The following PCDHGA6 variants were observed in gnomAD, a reference collection of about 807,000 sequenced individuals.
The protein encoded by PCDHGA6 is protocadherin gamma-A6.
In PCDHGA6, 41 loss-of-function variants were observed where a neutral mutation model predicts 60.6. That is an observed-to-expected ratio of 0.68 (90% CI 0.53 to 0.88). The LOEUF (loss-of-function observed/expected upper bound fraction) is 0.88. Among genes scored for constraint, PCDHGA6 ranks in the 40% least tolerant of loss-of-function variants. The probability of loss-of-function intolerance (pLI) is 0.00; values close to 1 mark genes in which losing one functional copy is unlikely to be tolerated. For missense variants in PCDHGA6, 1,312 were observed against 1,203.0 expected (o/e 1.09, Z -1.34); for synonymous variants, 594 against 524.4 (o/e 1.13, Z -1.81).
rs185995562 is a variant in PCDHGA6 at position 141,410,475 on chromosome 5, A to T, written c.2424+33968A>T. 63 of 1,614,052 alleles carry T rather than the reference A, an allele frequency of 3.9e-5. No individual in the cohort carries two copies. The highest frequency in any genetic ancestry group is 3.3e-4 in the Middle Eastern group (2 of 6,062). ...TATTCTTATAATCTGTGCATTGCAC[A>T]TACGGGTACAAAAGAGTTTAATTTC... On this transcript the variant is annotated intron_variant, in intron 1 of 3. Transcript: ENST00000517434.
chr5:141,403,212 C>T (rs755734755), intron 1 of PCDHGA6: 8 of 1,613,834 alleles, frequency 5.0e-6, no homozygotes, highest in East Asian at 2.2e-5. Context: ...TTGGTCACCG[C>T]GGGTAGGATA....
At chr5:141,399,382 A>G in intron 1 of PCDHGA6, 1 of 1,614,000 alleles carries the variant, frequency 6.2e-7, no homozygotes, top group Non-Finnish European at 8.5e-7. Context: ...TGTCACCATC[A>G]CAGCCACAGA....
Position 141,491,498 on chromosome 5 carries a change from C to T in PCDHGA6, c.2425-3309C>T, listed in dbSNP as rs975297143. 2 of 1,614,102 alleles carry T rather than the reference C, an allele frequency of 1.2e-6. No homozygotes were observed. Among genetic ancestry groups the T allele is most frequent in the Non-Finnish European group, 1.7e-6 (2 of 1,180,018 alleles). ...TCCAGCCCCAACCTGCAGGTGAGCT[C>T]GGACGGCACGCTCAAGTACATGGAG... On this transcript the variant is annotated intron_variant, in intron 1 of 3. Transcript: ENST00000517434. The surrounding 1 kb of genome is among the most constrained non-coding windows in gnomAD (Gnocchi z 6.9).
Position 141,489,160 on chromosome 5 carries a change from C to A in PCDHGA6, c.2425-5647C>A. 1 of 1,029,962 alleles carries A rather than the reference C, an allele frequency of 9.7e-7. No individual in the cohort carries two copies. The highest frequency in any genetic ancestry group is 1.4e-6 in the Non-Finnish European group (1 of 701,366). 63.8% of individuals were successfully genotyped at this position (1,029,962 alleles called of 1,614,324 possible). ...GGCTGGAAGGAGACATAAGAGACTT[C>A]AGCTGCTGCATTCCAAGCCCTGGGT... On this transcript the variant is annotated intron_variant, in intron 1 of 3. Coordinates refer to ENST00000517434, the MANE Select transcript of PCDHGA6 (RefSeq NM_018919.3). The surrounding 1 kb of genome is among the most constrained non-coding windows in gnomAD (Gnocchi z 4.5).
Position 141,491,869 on chromosome 5 carries a change from G to A in PCDHGA6, c.2425-2938G>A. On this transcript the variant is annotated intron_variant, in intron 1 of 3. Transcript: ENST00000517434. The surrounding 1 kb of genome is among the most constrained non-coding windows in gnomAD (Gnocchi z 6.9). ...GGACCGTTTGCGCGAAACCAGAGTG[G>A]CCGATTAAGGGATGGGGCTCCGAGC... The A allele has an allele frequency of 6.9e-7, 1 of 1,453,094 alleles. No individual in the cohort carries two copies. Among genetic ancestry groups the A allele is most frequent in the Non-Finnish European group, 9.1e-7 (1 of 1,099,380 alleles). 90.0% of individuals were successfully genotyped at this position (1,453,094 alleles called of 1,614,324 possible).
chr5:141,398,858 G>C, intron 1 of PCDHGA6: 2 of 1,613,986 alleles, frequency 1.2e-6, no homozygotes, highest in Non-Finnish European at 1.7e-6. Flanking sequence ...GTATTCAACC[G>C]AGACGTGTAC....
At chr5:141,404,399 G>T (rs1269569845) in intron 1 of PCDHGA6, 2 of 1,613,778 alleles carry the variant, frequency 1.2e-6, no homozygotes, top group African/African-American at 1.3e-5. Context: ...TGATAGCAAT[G>T]AGAATTCTAG....
At position 141,375,584 on chromosome 5, in the gene PCDHGA6, C is replaced by T. The variant is rs555182663; in HGVS notation, c.1501C>T (p.Leu501=). ...LAEDTLQGAP[L]SSYVSINSDT... The stretch of plus-strand genomic sequence containing the variant: ...AGAAGACACCCTCCAGGGGGCGCCC[C>T]TGTCCTCCTACGTGTCCATCAACTC... Residue 501 remains leucine (L), a synonymous_variant, in exon 1 of 4, where the codon CTG becomes TTG. Coordinates refer to ENST00000517434, the MANE Select transcript of PCDHGA6 (RefSeq NM_018919.3). 2.3e-5 allele frequency: 37 copies of T among 1,614,178 alleles called. 2 individuals carry two copies. The South Asian group carries it at 3.8e-4, about 17-fold the overall frequency.
Position 141,374,163 on chromosome 5 carries a change from C to A in PCDHGA6, c.80C>A (p.Ala27Glu), listed in dbSNP as rs764323551. 6.2e-7 allele frequency: 1 copy of A among 1,612,604 alleles called. No homozygotes were observed. Among genetic ancestry groups the A allele is most frequent in the East Asian group, 2.2e-5 (1 of 44,874 alleles). Residue 27 changes from alanine to glutamate, a missense_variant, in exon 1 of 4, where the codon GCG (alanine) becomes GAG (glutamate). By Grantham distance (107) the Ala-to-Glu change is moderately radical. Coordinates refer to ENST00000517434, the MANE Select transcript of PCDHGA6 (RefSeq NM_018919.3). ...CTCCTGGGGACGCTGTGGGGGGCCGCGGCAGCGCAGATCCGCTACTCTATT... is the reference window on the plus strand; with the variant it reads ...CTCCTGGGGACGCTGTGGGGGGCCGAGGCAGCGCAGATCCGCTACTCTATT... The part of the protein sequence containing the change: ...LTLLGTLWGA[A>E]AAQIRYSIPE...
intron 1 of PCDHGA6, chr5:141,388,609 T>G: frequency 6.2e-7 from 1 of 1,613,926 alleles, no homozygotes; most frequent in Non-Finnish European, 8.5e-7. Context: ...GCTCCAGTGT[T>G]CAGTCAAGAC....
At chr5:141,413,417 T>C in intron 1 of PCDHGA6, 18 of 1,614,086 alleles carry the variant, frequency 1.1e-5, no homozygotes, top group Non-Finnish European at 1.5e-5. Context: ...CTTTTCTCTC[T>C]GAACCCGCGC....
At chr5:141,414,514 G>A in intron 1 of PCDHGA6, 1 of 1,613,964 alleles carries the variant, frequency 6.2e-7, no homozygotes, top group Non-Finnish European at 8.5e-7. Context: ...GCTACAAGTG[G>A]CAGATATCAA....
rs377138746 is a variant in PCDHGA6 at position 141,432,481 on chromosome 5, C to T, written c.2424+55974C>T. ...CCCTCCCCACGGACGGTTCCACTGG[C>T]GTGGAGCTGGCTCCCCGCTCCGCAG... On this transcript the variant is annotated intron_variant, in intron 1 of 3. Transcript: ENST00000517434. This position sits in a 1 kb window ranked among gnomAD's most constrained non-coding sequence, Gnocchi z 6.0. The T allele has an allele frequency of 1.1e-5, 17 of 1,614,198 alleles. No individual in the cohort carries two copies. The African/African-American group carries it at 1.7e-4, about 16-fold the overall frequency.
chr5:141,430,276 G>C (rs2097271928), intron 1 of PCDHGA6, among the ~76,000 whole-genome samples: 1 of 151,720 alleles, frequency 6.6e-6, no homozygotes, highest in South Asian at 2.1e-4. Context: ...TGTGTTGGGG[G>C]AACAGTAATC....
intron 1 of PCDHGA6, among the ~76,000 whole-genome samples, chr5:141,492,808 A>C (rs1261752522): frequency 6.6e-6 from 1 of 152,252 alleles, no homozygotes; most frequent in African/African-American, 2.4e-5. Flanking sequence ...CTGGGACTCC[A>C]GTGGCACCAG....
At chr5:141,433,404 TATTA>T (rs142533293) in intron 1 of PCDHGA6, among the ~76,000 whole-genome samples, 252 of 146,310 alleles carry the variant, frequency 1.7e-3, no homozygotes, top group African/African-American at 6.2e-3. Context: ...TCTATCTATC[TATTA>T]CTTTCTTGTA....
At chr5:141,393,747 T>C (rs1375394315) in intron 1 of PCDHGA6, 1 of 1,613,866 alleles carries the variant, frequency 6.2e-7, no homozygotes, top group Admixed American at 1.7e-5. Flanking sequence ...TTATGAAGAA[T>C]GTTCATTTTA....
chr5:141,487,530 T>C lies in PCDHGA6; in HGVS notation c.2425-7277T>C. The stretch of plus-strand genomic sequence containing the variant: ...GCACCCACTCGGAGTGATAGCTTCA[T>C]GATGGTGAAGTCACCCAGTGCACCT... On this transcript the variant is annotated intron_variant, in intron 1 of 3. Coordinates refer to ENST00000517434, the MANE Select transcript of PCDHGA6 (RefSeq NM_018919.3). This position sits in a 1 kb window ranked among gnomAD's most constrained non-coding sequence, Gnocchi z 5.0. The C allele has an allele frequency of 6.2e-7, 1 of 1,614,218 alleles. No individual in the cohort carries two copies. The highest frequency in any genetic ancestry group is 8.5e-7 in the Non-Finnish European group (1 of 1,180,040).
chr5:141,467,952 C>A (rs1341210155), intron 1 of PCDHGA6, among the ~76,000 whole-genome samples: 1 of 152,186 alleles, frequency 6.6e-6, no homozygotes, highest in Non-Finnish European at 1.5e-5. Flanking sequence ...AGCCACCACA[C>A]CCGGCTGCCA....
Sources: allele counts gnomAD v4.1 joint callset (sites outside exome capture counted in the v4.1 genomes callset), GRCh38; gene constraint gnomAD v4.1.1; non-coding constraint Gnocchi (gnomAD v3.1); transcripts MANE v1.5; gene names NCBI Gene and HGNC (gene_info 2026-07-23, HGNC 2026-07-21).